The following VWA8 variants were observed in gnomAD, a reference collection of about 807,000 sequenced individuals.
VWA8 encodes von Willebrand factor A domain-containing protein 8.
A neutral mutation model predicts 241.5 loss-of-function variants in VWA8; 221 were observed. The ratio of observed to expected loss-of-function variants is 0.91; its 90% confidence interval spans 0.82 to 1.02. The LOEUF is 1.02. Ranked by LOEUF, VWA8 falls within the 50% of genes least tolerant of loss-of-function variation. The probability of loss-of-function intolerance (pLI) is 0.00; values close to 1 mark genes in which losing one functional copy is unlikely to be tolerated. For missense variants in VWA8, 2,322 were observed against 2,328.7 expected, an observed-to-expected ratio of 1.00 and a Z score of 0.06; for synonymous variants, 852 against 827.1, an observed-to-expected ratio of 1.03 and a Z score of -0.52.
intron 37 of VWA8, among the ~76,000 whole-genome samples, chr13:41,636,817 T>C (rs1228904563): frequency 5.9e-5 from 9 of 152,150 alleles, no homozygotes; most frequent in South Asian, 2.1e-4. Context: ...TGAAAAAATG[T>C]TCATCATCAC....
intron 37 of VWA8, among the ~76,000 whole-genome samples, chr13:41,617,051 T>A (rs1471436377): frequency 6.6e-6 from 1 of 151,818 alleles, no homozygotes; most frequent in African/African-American, 2.4e-5. Flanking sequence ...AAAAACTATA[T>A]GAAAGGTATG....
chr13:41,951,467 C>T (rs1164919735), intron 1 of VWA8, among the ~76,000 whole-genome samples: 1 of 152,146 alleles, frequency 6.6e-6, no homozygotes. Context: ...TAAGCAAAAG[C>T]AGGCAAAAGT....
intron 9 of VWA8, among the ~76,000 whole-genome samples, chr13:41,868,748 C>T (rs755279183): frequency 4.6e-5 from 7 of 151,614 alleles, no homozygotes; most frequent in South Asian, 2.1e-4. Context: ...ATTAGCTGGG[C>T]GTGGTGGCGG....
At chr13:41,625,597 G>A (rs1264367439) in intron 37 of VWA8, among the ~76,000 whole-genome samples, 1 of 152,160 alleles carries the variant, frequency 6.6e-6, no homozygotes, top group African/African-American at 2.4e-5. Context: ...TGCGGGAGAG[G>A]ATGTGGAGAA....
chr13:41,880,929 C>T (rs1230218555), intron 9 of VWA8, among the ~76,000 whole-genome samples: 1 of 152,184 alleles, frequency 6.6e-6, no homozygotes, highest in Non-Finnish European at 1.5e-5. Context: ...CTTTAACATC[C>T]TTTGATGACT....
intron 4 of VWA8, among the ~76,000 whole-genome samples, chr13:41,902,441 T>A (rs1267606186): frequency 6.6e-6 from 1 of 152,224 alleles, no homozygotes; most frequent in Non-Finnish European, 1.5e-5. Context: ...TTTCGTATGC[T>A]TTTTAGTATT....
chr13:41,950,973 GA>G (rs964366828), intron 1 of VWA8, among the ~76,000 whole-genome samples: 4 of 151,760 alleles, frequency 2.6e-5, no homozygotes, highest in Non-Finnish European at 4.4e-5. Flanking sequence ...CCAGCCCATA[GA>G]GTGTTACCTT....
At chr13:41,863,925 T>C (rs1873164225) in intron 12 of VWA8, among the ~76,000 whole-genome samples, 1 of 152,102 alleles carries the variant, frequency 6.6e-6, no homozygotes, top group Admixed American at 6.6e-5. Context: ...ATGTAAATTG[T>C]GACCTGCACA....
rs763718875 is a variant in VWA8, at chr13:41,833,430, C to G, written c.1527G>C (p.Lys509Asn). The part of the protein sequence containing the change: ...SPLVNAALEG[K>N]LVLLDGIHRV... ...GGTGAATGCCATCCAGCAGGACCAG[C>G]TTGCCTTCCAGAGCAGCATTCACAA... The change falls in exon 13 of 45, where the codon AAG (lysine) becomes AAC (asparagine). Residue 509 changes from lysine (K) to asparagine (N), a missense_variant. Transcript: ENST00000379310. 8.8e-5 allele frequency: 142 copies of G among 1,613,950 alleles called. No individual in the cohort carries two copies. The highest frequency in any genetic ancestry group is 1.2e-4 in the Non-Finnish European group (141 of 1,179,990).
At chr13:41,624,292 T>C (rs1289835642) in intron 37 of VWA8, among the ~76,000 whole-genome samples, 1 of 151,894 alleles carries the variant, frequency 6.6e-6, no homozygotes, top group Non-Finnish European at 1.5e-5. Context: ...TCAAAAAATC[T>C]AGGAGGAGGA....
chr13:41,654,628 T>C (rs1386170392), intron 37 of VWA8, among the ~76,000 whole-genome samples: 1 of 152,238 alleles, frequency 6.6e-6, no homozygotes, highest in Non-Finnish European at 1.5e-5. Context: ...GACAGCACTC[T>C]GGTGATGATG....
At chr13:41,881,371 CCGGGGG>C (rs371652958) in intron 9 of VWA8, among the ~76,000 whole-genome samples, 5,586 of 10,980 alleles carry the variant, frequency 0.51, 950 homozygotes, top group Non-Finnish European at 0.51. Flanking sequence ...TTTTTTTTTG[CCGGGGG>C]GGGGGGGGGG....
At chr13:41,830,761 T>C (rs1265424101) in intron 13 of VWA8, 119 bp from the exon 14 acceptor site, 1 of 799,918 alleles carries the variant, frequency 1.3e-6, no homozygotes, top group Non-Finnish European at 1.9e-6. Flanking sequence ...CTAATAATTT[T>C]GTTAGATGGA....
intron 26 of VWA8, among the ~76,000 whole-genome samples, chr13:41,716,944 G>A (rs760418597): frequency 6.6e-6 from 1 of 151,616 alleles, no homozygotes; most frequent in Non-Finnish European, 1.5e-5. Context: ...ACTTTTTGGC[G>A]GTCTATGTGA....
chr13:41,862,769 A>T (rs900115916), intron 12 of VWA8, among the ~76,000 whole-genome samples: 1 of 152,192 alleles, frequency 6.6e-6, no homozygotes, highest in Non-Finnish European at 1.5e-5. Context: ...AAAAAGTCAA[A>T]AAATAACAGA....
chr13:41,901,890 ATATAT>A (rs1175535198), intron 4 of VWA8, among the ~76,000 whole-genome samples: 3 of 72,602 alleles, frequency 4.1e-5, no homozygotes, highest in African/African-American at 1.1e-4. Context: ...AAAAAAAAAA[ATATAT>A]ATATATATAT....
At chr13:41,727,501 T>C (rs1175396625) in intron 23 of VWA8, among the ~76,000 whole-genome samples, 188 bp from the exon 24 acceptor site, 1 of 152,120 alleles carries the variant, frequency 6.6e-6, no homozygotes, top group Non-Finnish European at 1.5e-5. Flanking sequence ...AACCAAACAC[T>C]GATAAAGCAT....
chr13:41,930,002 T>C (rs1368144078), intron 2 of VWA8, among the ~76,000 whole-genome samples: 1 of 152,220 alleles, frequency 6.6e-6, no homozygotes, highest in Non-Finnish European at 1.5e-5. Flanking sequence ...GAGGGGCTAA[T>C]ATCCAAATTT....
intron 37 of VWA8, among the ~76,000 whole-genome samples, chr13:41,661,722 T>C (rs897751446): frequency 6.6e-6 from 1 of 152,222 alleles, no homozygotes; most frequent in African/African-American, 2.4e-5. Flanking sequence ...GACATGGGAT[T>C]GGATACTATT....
Sources: gnomAD v4.1 joint callset for allele counts (sites outside exome capture counted in the v4.1 genomes callset) on GRCh38, gnomAD v4.1.1 for gene constraint, MANE v1.5 for transcripts, NCBI Gene and HGNC (gene_info 2026-07-23, HGNC 2026-07-21) for gene names.